The following PPIL6 variants were observed in gnomAD, a reference collection of about 807,000 sequenced individuals.
PPIL6 encodes the protein probable inactive peptidyl-prolyl cis-trans isomerase-like 6.
PPIL6 carries 39 observed loss-of-function variants against 36.8 expected under a neutral mutation model. The observed-to-expected ratio is 1.06, with a 90% CI of 0.82 to 1.38. The LOEUF (loss-of-function observed/expected upper bound fraction) is 1.38, where lower values mean the gene tolerates loss of function less well. Ranked by LOEUF, PPIL6 falls within the 40% of genes most tolerant of loss-of-function variation. PPIL6 has a pLI of 0.00. For synonymous variants in PPIL6, 123 were observed against 134.1 expected, an observed-to-expected ratio of 0.92 and a Z score of 0.57; for missense variants, 368 against 379.1, an observed-to-expected ratio of 0.97 and a Z score of 0.24.
chr6:109,433,214 G>A (rs960634961), intron 2 of PPIL6, among the ~76,000 whole-genome samples: 5 of 152,022 alleles, frequency 3.3e-5, no homozygotes, highest in Non-Finnish European at 7.4e-5. Flanking sequence ...CCACCACCAT[G>A]CCCAGCTAAT....
At chr6:109,441,119 A>G (rs762476552), upstream of PPIL6, 15 of 1,613,980 alleles carry the variant, frequency 9.3e-6, no homozygotes, top group Admixed American at 3.3e-5. Flanking sequence ...GAGCTCCCCA[A>G]CCATGAAGCC....
chr6:109,427,857 G>C (rs576987364), intron 3 of PPIL6, among the ~76,000 whole-genome samples: 22 of 152,220 alleles, frequency 1.4e-4, no homozygotes, highest in Admixed American at 2.6e-4. Context: ...TCTCTACTTC[G>C]CTTCTTTCCT....
chr6:109,431,122 T>C (rs1774124033), intron 3 of PPIL6, 35 bp downstream of exon 3: 1 of 1,458,748 alleles, frequency 6.9e-7, no homozygotes, highest in Non-Finnish European at 9.5e-7. Context: ...GGTCAAAGAT[T>C]CCACAATTTT....
intron 5 of PPIL6, among the ~76,000 whole-genome samples, chr6:109,421,764 T>C (rs1773552288): frequency 6.6e-6 from 1 of 152,126 alleles, no homozygotes; most frequent in African/African-American, 2.4e-5. Flanking sequence ...AGTGGCCAGG[T>C]GTGGTGGCTC....
At chr6:109,398,701 A>C (rs1772400879) in intron 7 of PPIL6, among the ~76,000 whole-genome samples, 1 of 152,240 alleles carries the variant, frequency 6.6e-6, no homozygotes, top group Non-Finnish European at 1.5e-5. Context: ...CAGTAAAAAA[A>C]GTTATATGTA....
intron 6 of PPIL6, among the ~76,000 whole-genome samples, chr6:109,408,244 A>G (rs1772879312): frequency 6.6e-6 from 1 of 152,154 alleles, no homozygotes; most frequent in Non-Finnish European, 1.5e-5. Context: ...TTCTGGCATA[A>G]AGTGTTGCTG....
intron 5 of PPIL6, among the ~76,000 whole-genome samples, chr6:109,424,002 A>G (rs1773684817): frequency 6.6e-6 from 1 of 152,240 alleles, no homozygotes; most frequent in Non-Finnish European, 1.5e-5. Flanking sequence ...TGGAATTTAG[A>G]GAAACAGACA....
At chr6:109,401,184 A>T (rs9487087) in intron 6 of PPIL6, among the ~76,000 whole-genome samples, 10,538 of 152,056 alleles carry the variant, frequency 0.069, 430 homozygotes, top group South Asian at 0.13. Context: ...CCAATCTTCA[A>T]ATAAATTTTA....
intron 7 of PPIL6, among the ~76,000 whole-genome samples, chr6:109,394,128 T>C (rs1772203120): frequency 6.6e-6 from 1 of 151,990 alleles, no homozygotes; most frequent in Non-Finnish European, 1.5e-5. Context: ...CCCAGCACTT[T>C]GGGAGGCCAA....
At chr6:109,436,924 G>C (rs144588502) in intron 1 of PPIL6, among the ~76,000 whole-genome samples, 120 of 152,214 alleles carry the variant, frequency 7.9e-4, no homozygotes, top group African/African-American at 2.8e-3. Context: ...AACCTCGGTG[G>C]ATCTACAGAT....
chr6:109,426,181 A>G (rs1773804013), intron 5 of PPIL6, among the ~76,000 whole-genome samples: 1 of 152,234 alleles, frequency 6.6e-6, no homozygotes, highest in Admixed American at 6.5e-5. Context: ...GTTCCAGATC[A>G]TATAAAAAAT....
chr6:109,421,071 A>T (rs1209800588), intron 5 of PPIL6, among the ~76,000 whole-genome samples: 1 of 152,168 alleles, frequency 6.6e-6, no homozygotes, highest in Non-Finnish European at 1.5e-5. Context: ...TGGTTCTCTC[A>T]GGGAAATCCA....
At chr6:109,439,888 A>G (rs1254269909) in intron 1 of PPIL6, among the ~76,000 whole-genome samples, 3 of 152,112 alleles carry the variant, frequency 2.0e-5, no homozygotes, top group Non-Finnish European at 4.4e-5. Flanking sequence ...AGTTTCCTCA[A>G]GTGCTTTTCC....
intron 2 of PPIL6, among the ~76,000 whole-genome samples, 198 bp downstream of exon 2, chr6:109,435,904 AAC>A (rs1774420378): frequency 6.6e-6 from 1 of 152,024 alleles, no homozygotes. Context: ...CAGCCTGGGT[AAC>A]AGAGTGAGAC....
intron 5 of PPIL6, among the ~76,000 whole-genome samples, chr6:109,421,205 T>A (rs1773525440): frequency 6.6e-6 from 1 of 152,236 alleles, no homozygotes; most frequent in South Asian, 2.1e-4. Flanking sequence ...GAATATTTTA[T>A]ATTGACACCA....
chr6:109,438,958 G>A (rs1441016812), intron 1 of PPIL6, among the ~76,000 whole-genome samples: 1 of 152,116 alleles, frequency 6.6e-6, no homozygotes, highest in South Asian at 2.1e-4. Context: ...GTCAAATTTC[G>A]TGTCCATAAT....
intron 6 of PPIL6, among the ~76,000 whole-genome samples, chr6:109,412,170 T>C (rs1365572303): frequency 6.6e-6 from 1 of 152,226 alleles, no homozygotes; most frequent in Non-Finnish European, 1.5e-5. Flanking sequence ...ATCCCTTTCC[T>C]GCATAAACTG....
upstream of PPIL6, chr6:109,441,030 T>C (rs1774843753): frequency 7.5e-7 from 1 of 1,328,872 alleles, no homozygotes; most frequent in Non-Finnish European, 1.1e-6. Context: ...GAAGGAACGG[T>C]CTGGGGAGAA....
chr6:109,421,832 A>G (rs1773556857), intron 5 of PPIL6, among the ~76,000 whole-genome samples: 1 of 152,114 alleles, frequency 6.6e-6, no homozygotes, highest in African/African-American at 2.4e-5. Flanking sequence ...TGAGGCCAGG[A>G]GTTCAAGACC....
Sources: gnomAD v4.1 joint callset for allele counts (sites outside exome capture counted in the v4.1 genomes callset) on GRCh38, gnomAD v4.1.1 for gene constraint, MANE v1.5 for transcripts, NCBI Gene and HGNC (gene_info 2026-07-23, HGNC 2026-07-21) for gene names.